RBL1: variants seen among roughly 807,000 people sequenced by gnomAD.
The protein encoded by RBL1 is RB transcriptional corepressor like 1, also known as retinoblastoma-like protein 1.
In RBL1, 82 loss-of-function variants were observed where a neutral mutation model predicts 123.0. The ratio of observed to expected loss-of-function variants is 0.67; its 90% CI spans 0.56 to 0.80. RBL1 has a LOEUF of 0.80. RBL1 is among the 30% of genes least tolerant of loss of function. RBL1 has a pLI of 0.00. For missense variants in RBL1, 1,171 were observed against 1,299.6 expected (o/e 0.90, Z 1.52); for synonymous variants, 405 against 441.3 (o/e 0.92, Z 1.03).
rs368931671 is a variant in RBL1 at position 37,067,995 on chromosome 20, C to T, written c.482G>A (p.Arg161Gln). The stretch of plus-strand genomic sequence containing the variant: ...AGGATTAAGGGCTCACCTCTGCTTC[C>T]GGCTTCGTGGTAACTTTGGTGGTTC... ...YEEPPKLPRS[R>Q]KQRRIPCSVK... Residue 161 changes from arginine to glutamine, a missense_variant, in exon 3 of 22, where the codon CGG becomes CAG. Transcript: ENST00000373664. The T allele has an allele frequency of 1.9e-5, 30 of 1,613,234 alleles. No individual in the cohort carries two copies. The highest frequency in any genetic ancestry group is 8.9e-5 in the East Asian group (4 of 44,842).
chr20:37,016,571 T>A (rs1568825753), intron 19 of RBL1, among the ~76,000 whole-genome samples: 2 of 152,206 alleles, frequency 1.3e-5, no homozygotes. Flanking sequence ...TAAGAATTTA[T>A]CCTAAGGATG....
intron 19 of RBL1, among the ~76,000 whole-genome samples, chr20:37,011,119 C>T (rs941402903): frequency 6.6e-6 from 1 of 152,112 alleles, no homozygotes; most frequent in Non-Finnish European, 1.5e-5. Flanking sequence ...AACACTCAGC[C>T]TAAATATAAT....
At chr20:37,026,685 C>A (rs1244155146) in intron 16 of RBL1, among the ~76,000 whole-genome samples, 3 of 140,552 alleles carry the variant, frequency 2.1e-5, no homozygotes, top group Non-Finnish European at 4.6e-5. Context: ...GCCTGGGTGA[C>A]AGAGCAAGAC....
At chr20:37,069,530 A>ACCCCC (rs560225081) in intron 2 of RBL1, among the ~76,000 whole-genome samples, 1 of 140,640 alleles carries the variant, frequency 7.1e-6, no homozygotes, top group Non-Finnish European at 1.5e-5. Flanking sequence ...CCCGGCTGCG[A>ACCCCC]CCCCGTCTGG....
At chr20:37,082,594 GGTTGTGTCC>G (rs2065470400) in intron 2 of RBL1, among the ~76,000 whole-genome samples, 1 of 152,026 alleles carries the variant, frequency 6.6e-6, no homozygotes, top group Non-Finnish European at 1.5e-5. Flanking sequence ...AAAAAAGGAT[GGTTGTGTCC>G]GTATTGAACA....
intron 2 of RBL1, among the ~76,000 whole-genome samples, chr20:37,074,919 T>C (rs552746127): frequency 2.6e-5 from 4 of 152,142 alleles, no homozygotes; most frequent in Non-Finnish European, 5.9e-5. Context: ...ACATAAAAAG[T>C]TGTATACAAA....
chr20:37,030,863 A>C (rs543574107), intron 16 of RBL1, among the ~76,000 whole-genome samples: 59 of 151,126 alleles, frequency 3.9e-4, no homozygotes, highest in South Asian at 1.5e-3. Context: ...TCAAAAAAAA[A>C]AAAAACAAAA....
At position 37,062,125 on chromosome 20, in the gene RBL1, G is replaced by C. The variant is rs758646338; in HGVS notation, c.1042C>G (p.Gln348Glu). The stretch of plus-strand genomic sequence containing the variant: ...TGAAGGTTATACTCCACATTAGCCT[G>C]TGCTGTCAGTTTCCCTAATGGGGTG... ...RDTPLGKLTAQANVEYNLQQH... is the reference protein window; with the variant it reads ...RDTPLGKLTAEANVEYNLQQH... Residue 348 changes from glutamine to glutamate, a missense_variant, in exon 8 of 22, where the codon CAG becomes GAG. Transcript: ENST00000373664. 42 of 1,614,040 alleles carry C rather than the reference G, an allele frequency of 2.6e-5. No individual in the cohort carries two copies. In the East Asian group the frequency reaches 9.4e-4, roughly 36 times the overall value.
At position 36,997,052 on chromosome 20, in the gene RBL1, G is replaced by T. The variant is rs779713948; in HGVS notation, c.*1707C>A. ...TAAACATAGGTGAGTTAAACATTGT[G>T]CCTTTCCAAAATTAAGGTTTGCAGT... On this transcript the variant is annotated 3_prime_UTR_variant, in exon 22 of 22. Transcript: ENST00000373664. The T allele has an allele frequency of 6.6e-6, 1 of 152,120 alleles. No homozygotes were observed. Among genetic ancestry groups the T allele is most frequent in the Non-Finnish European group, 1.5e-5 (1 of 68,022 alleles). The allele number at this position is 152,120 out of a possible 1,614,324, so 9.4% of individuals were successfully genotyped here. A position where few individuals can be genotyped will look rare whatever the true frequency, so the allele number is the denominator to read the frequency against.
chr20:37,016,418 T>A (rs1184207911), intron 19 of RBL1, among the ~76,000 whole-genome samples: 1 of 152,228 alleles, frequency 6.6e-6, no homozygotes, highest in Non-Finnish European at 1.5e-5. Context: ...CCTATTATCC[T>A]CAAACGGAGT....
Position 37,032,791 on chromosome 20 carries a change from T to G in RBL1, c.2256A>C (p.Ser752=), listed in dbSNP as rs759369816. 3 of 1,613,944 alleles carry G rather than the reference T, an allele frequency of 1.9e-6. No homozygotes were observed. The highest frequency in any genetic ancestry group is 2.7e-5 in the African/African-American group (2 of 74,908). Reference sequence around the variant, plus strand: ...CACCAATTAATGAATGAGCAGTAAGTGATACAGGACTCTTGACTTTGGACT... The same window carrying G: ...CACCAATTAATGAATGAGCAGTAAGGGATACAGGACTCTTGACTTTGGACT... ...NQESKVKSPV[S]LTAHSLIGAS... is the part of the protein sequence containing the mutation. Residue 752 remains serine, a synonymous_variant, in exon 16 of 22, where the codon TCA becomes TCC. Coordinates refer to ENST00000373664, the MANE Select transcript of RBL1 (RefSeq NM_002895.5).
chr20:37,007,705 A>G, intron 19 of RBL1, 146 bp from the exon 20 acceptor site: 1 of 726,662 alleles, frequency 1.4e-6, no homozygotes, highest in Admixed American at 3.3e-5. Flanking sequence ...TGATCCTCCC[A>G]TCTCAGCCTC....
intron 2 of RBL1, among the ~76,000 whole-genome samples, chr20:37,088,732 G>A (rs1473087964): frequency 3.3e-5 from 5 of 151,562 alleles, no homozygotes; most frequent in Non-Finnish European, 7.4e-5. Flanking sequence ...GCTTGGTGGT[G>A]TGTGTCTGTA....
chr20:37,015,440 T>G (rs994492992), intron 19 of RBL1, among the ~76,000 whole-genome samples: 1 of 151,884 alleles, frequency 6.6e-6, no homozygotes. Flanking sequence ...GTTGTTGTTT[T>G]TTTTTTTTGA....
At chr20:37,077,700 T>C (rs1173258596) in intron 2 of RBL1, among the ~76,000 whole-genome samples, 1 of 151,774 alleles carries the variant, frequency 6.6e-6, no homozygotes, top group Non-Finnish European at 1.5e-5. Context: ...GTTATTGCAA[T>C]ATACATATAA....
intron 21 of RBL1, 72 bp from the exon 22 acceptor site, chr20:36,999,001 T>A: frequency 7.1e-7 from 1 of 1,417,442 alleles, no homozygotes; most frequent in South Asian, 1.3e-5. Context: ...CCAAGCTAAT[T>A]GTTTTTTCCT....
At chr20:37,031,748 TTTC>T (rs1212979172) in intron 16 of RBL1, among the ~76,000 whole-genome samples, 11 of 152,146 alleles carry the variant, frequency 7.2e-5, no homozygotes, top group African/African-American at 2.7e-4. Context: ...GCTATTTTTT[TTTC>T]TTCTTAAGAC....
At chr20:37,053,933 G>C (rs760419131) in intron 11 of RBL1, among the ~76,000 whole-genome samples, 62 of 152,220 alleles carry the variant, frequency 4.1e-4, no homozygotes, top group Admixed American at 7.2e-4. Flanking sequence ...AGGAGTAAGT[G>C]TAACTAACTA....
chr20:37,050,192 A>C (rs1386951452), intron 11 of RBL1, among the ~76,000 whole-genome samples: 1 of 152,192 alleles, frequency 6.6e-6, no homozygotes, highest in African/African-American at 2.4e-5. Context: ...AGAAATGAAA[A>C]TATAGCTGAA....
Sources: gnomAD v4.1 joint callset for allele counts (sites outside exome capture counted in the v4.1 genomes callset) on GRCh38, gnomAD v4.1.1 for gene constraint, MANE v1.5 for transcripts, NCBI Gene and HGNC (gene_info 2026-07-23, HGNC 2026-07-21) for gene names.